EIF2B3: variants seen among roughly 807,000 people sequenced by gnomAD.
EIF2B3 encodes translation initiation factor eIF2B subunit gamma.
In EIF2B3, 20 loss-of-function variants were observed where a neutral mutation model predicts 54.1. The ratio of observed to expected loss-of-function variants is 0.37; its 90% confidence interval spans 0.26 to 0.54. The LOEUF (loss-of-function observed/expected upper bound fraction) is 0.54, where lower values mean the gene tolerates loss of function less well. EIF2B3 is among the 20% of genes least tolerant of loss of function. The probability of loss-of-function intolerance (pLI) is 0.86; values close to 1 mark genes in which losing one functional copy is unlikely to be tolerated. For synonymous variants in EIF2B3, 153 were observed against 188.1 expected (o/e 0.81, Z 1.52); for missense variants, 448 against 547.8 (o/e 0.82, Z 1.82).
chr1:44,873,702 G>A (rs1341864900), intron 10 of EIF2B3, among the ~76,000 whole-genome samples: 2 of 151,594 alleles, frequency 1.3e-5, no homozygotes, highest in African/African-American at 4.8e-5. Context: ...GTGCAGTGGT[G>A]CGATCTCAGC....
At chr1:44,905,252 G>A (rs1643391480) in intron 5 of EIF2B3, among the ~76,000 whole-genome samples, 1 of 152,182 alleles carries the variant, frequency 6.6e-6, no homozygotes, top group African/African-American at 2.4e-5. Flanking sequence ...AAAAGCAGTT[G>A]TGTTGAGGTG....
intron 6 of EIF2B3, among the ~76,000 whole-genome samples, chr1:44,896,155 T>G (rs908768820): frequency 1.3e-5 from 2 of 152,214 alleles, no homozygotes; most frequent in African/African-American, 4.8e-5. Flanking sequence ...GATCCCATGG[T>G]TGATCTAGCA....
chr1:44,903,557 C>T (rs1355058449), intron 5 of EIF2B3, among the ~76,000 whole-genome samples: 3 of 152,118 alleles, frequency 2.0e-5, no homozygotes, highest in African/African-American at 7.2e-5. Context: ...ATGCTTAGTT[C>T]CTAGAAGGGT....
intron 3 of EIF2B3, among the ~76,000 whole-genome samples, chr1:44,974,567 G>T (rs931324385): frequency 2.6e-5 from 4 of 152,116 alleles, no homozygotes; most frequent in Non-Finnish European, 5.9e-5. Flanking sequence ...CCTGAGGTGG[G>T]AGGACTGCTT....
chr1:44,975,085 G>C (rs1207150480), intron 3 of EIF2B3, among the ~76,000 whole-genome samples: 2 of 152,070 alleles, frequency 1.3e-5, no homozygotes, highest in Non-Finnish European at 2.9e-5. Context: ...GTGCATGGTA[G>C]CATGTGCCTG....
chr1:44,983,906 C>A (rs1465508907), intron 1 of EIF2B3, among the ~76,000 whole-genome samples: 1 of 151,810 alleles, frequency 6.6e-6, no homozygotes, highest in Admixed American at 6.6e-5. Flanking sequence ...CAGGGTTTCA[C>A]CATGTTGGCC....
At chr1:44,903,974 G>A (rs531341065) in intron 5 of EIF2B3, among the ~76,000 whole-genome samples, 1 of 152,162 alleles carries the variant, frequency 6.6e-6, no homozygotes, top group Non-Finnish European at 1.5e-5. Flanking sequence ...CTACTCAGGA[G>A]GCCAAGGCAG....
At chr1:44,883,959 C>G (rs1655494537) in intron 6 of EIF2B3, among the ~76,000 whole-genome samples, 1 of 152,168 alleles carries the variant, frequency 6.6e-6, no homozygotes, top group Non-Finnish European at 1.5e-5. Flanking sequence ...CTGCCTTGGC[C>G]TCCCAAGTAG....
Position 44,954,078 on chromosome 1 carries a change from G to T in EIF2B3, c.295-12413C>A, listed in dbSNP as rs1644197306. On this transcript the variant is annotated intron_variant, in intron 3 of 11. Coordinates refer to ENST00000360403, the MANE Select transcript of EIF2B3 (RefSeq NM_020365.5). ...GCCAAAATCATTAAATAAAACAAAG[G>T]TTATTTTATAATGCTAGAAGCCAAA... Among the ~76,000 whole-genome samples the T allele has an allele frequency of 2.0e-5, 3 of 152,026 alleles. 1 individual carries two copies. In the South Asian group the frequency reaches 6.2e-4, roughly 32 times the overall value.
At chr1:44,853,312 C>T (rs1654336400) in intron 11 of EIF2B3, among the ~76,000 whole-genome samples, 1 of 151,896 alleles carries the variant, frequency 6.6e-6, no homozygotes, top group South Asian at 2.1e-4. Context: ...CCTGTAGAGG[C>T]ACAACAAGCA....
chr1:44,934,662 G>A (rs560766074), intron 4 of EIF2B3, among the ~76,000 whole-genome samples: 6 of 151,764 alleles, frequency 4.0e-5, no homozygotes, highest in East Asian at 1.9e-4. Flanking sequence ...CCACCACCAC[G>A]CCCAGCTAAT....
intron 6 of EIF2B3, among the ~76,000 whole-genome samples, chr1:44,896,193 A>G (rs909055615): frequency 1.3e-5 from 2 of 152,218 alleles, no homozygotes; most frequent in Non-Finnish European, 2.9e-5. Context: ...TGGGTGCTTA[A>G]TAAGTATGTG....
At chr1:44,869,998 G>C (rs1654912045) in intron 10 of EIF2B3, among the ~76,000 whole-genome samples, 1 of 152,028 alleles carries the variant, frequency 6.6e-6, no homozygotes, top group East Asian at 1.9e-4. Flanking sequence ...ATTCAAGCCT[G>C]GGTAACATAG....
intron 8 of EIF2B3, among the ~76,000 whole-genome samples, chr1:44,876,094 T>G (rs1411920290): frequency 1.3e-5 from 2 of 152,172 alleles, no homozygotes; most frequent in Admixed American, 1.3e-4. Context: ...TGCTCAATGG[T>G]GCCCAGGCTG....
intron 3 of EIF2B3, among the ~76,000 whole-genome samples, chr1:44,970,613 C>T (rs1443412411): frequency 6.6e-6 from 1 of 152,184 alleles, no homozygotes; most frequent in Admixed American, 6.5e-5. Flanking sequence ...GCAACTTTCT[C>T]CTTTAGAGAG....
intron 10 of EIF2B3, among the ~76,000 whole-genome samples, chr1:44,871,209 A>C (rs1047078006): frequency 6.6e-6 from 1 of 152,134 alleles, no homozygotes; most frequent in Admixed American, 6.6e-5. Context: ...TTGACCTCAT[A>C]TATCTAGGCA....
chr1:44,899,752 A>T (rs1643235386), intron 5 of EIF2B3, among the ~76,000 whole-genome samples: 1 of 152,244 alleles, frequency 6.6e-6, no homozygotes, highest in Non-Finnish European at 1.5e-5. Flanking sequence ...AAACTAGTTC[A>T]GCCACTGTGG....
At chr1:44,938,642 C>A (rs993727003) in intron 4 of EIF2B3, among the ~76,000 whole-genome samples, 63 of 151,938 alleles carry the variant, frequency 4.1e-4, no homozygotes, top group Non-Finnish European at 5.4e-4. Flanking sequence ...AGCCACCATG[C>A]CCAGCTAATT....
intron 3 of EIF2B3, among the ~76,000 whole-genome samples, chr1:44,958,315 T>C (rs1330931745): frequency 2.2e-4 from 34 of 152,226 alleles, no homozygotes. Context: ...CCTTAAGTTC[T>C]CTTCATTACA....
Sources: allele counts gnomAD v4.1 joint callset (sites outside exome capture counted in the v4.1 genomes callset), GRCh38; gene constraint gnomAD v4.1.1; transcripts MANE v1.5; gene names NCBI Gene and HGNC (gene_info 2026-07-23, HGNC 2026-07-21).